STAC: variants seen among roughly 807,000 people sequenced by gnomAD.
The protein encoded by STAC is SH3 and cysteine rich domain.
STAC carries 43 observed loss-of-function variants against 48.8 expected under a neutral mutation model. That is an observed-to-expected ratio of 0.88 (90% CI 0.69 to 1.14). The LOEUF (loss-of-function observed/expected upper bound fraction) is 1.14. Ranked by LOEUF, STAC falls within the 50% of genes most tolerant of loss-of-function variation. STAC has a pLI of 0.00. For missense variants in STAC, 497 were observed against 504.0 expected (o/e 0.99, Z 0.13); for synonymous variants, 193 against 179.5 (o/e 1.07, Z -0.60).
intron 1 of STAC, among the ~76,000 whole-genome samples, chr3:36,420,320 T>A (rs1045659972): frequency 6.6e-6 from 1 of 152,200 alleles, no homozygotes; most frequent in Non-Finnish European, 1.5e-5. Flanking sequence ...TTTCTCCATA[T>A]AAAATGAGCA....
chr3:36,456,414 TA>T (rs981535816), intron 2 of STAC, among the ~76,000 whole-genome samples: 3 of 152,138 alleles, frequency 2.0e-5, no homozygotes, highest in Non-Finnish European at 4.4e-5. Context: ...GACACCTATC[TA>T]ATAGGTGTGT....
intron 1 of STAC, among the ~76,000 whole-genome samples, chr3:36,392,177 C>T (rs1699762822): frequency 1.3e-5 from 2 of 152,198 alleles, no homozygotes; most frequent in Admixed American, 1.3e-4. Context: ...AGTTTCCTCT[C>T]TGAACATATC....
At chr3:36,526,949 G>A (rs894947616) in intron 8 of STAC, among the ~76,000 whole-genome samples, 7 of 152,114 alleles carry the variant, frequency 4.6e-5, no homozygotes, top group East Asian at 1.9e-4. Context: ...AGGAGGAGGC[G>A]GCACCATACT....
At chr3:36,453,242 C>T (rs1814562) in intron 2 of STAC, among the ~76,000 whole-genome samples, 16,066 of 152,306 alleles carry the variant, frequency 0.11, 1,025 homozygotes, top group East Asian at 0.28. Context: ...CCTACTTTGG[C>T]GGCACTTGAG....
intron 1 of STAC, among the ~76,000 whole-genome samples, chr3:36,442,059 G>C (rs1423477026): frequency 6.6e-6 from 1 of 152,052 alleles, no homozygotes; most frequent in African/African-American, 2.4e-5. Flanking sequence ...TCTTCACTCT[G>C]TGTCAGTGGG....
chr3:36,492,020 AAAAAAAAAAAAATATATATAT>A (rs1161008465), intron 5 of STAC, among the ~76,000 whole-genome samples: 12 of 39,306 alleles, frequency 3.1e-4, no homozygotes, highest in East Asian at 8.2e-4. Flanking sequence ...AAAAAAAAAA[AAAAAAAAAAAAATATATATAT>A]ATATATATAT....
At chr3:36,414,776 T>C (rs1700280339) in intron 1 of STAC, among the ~76,000 whole-genome samples, 1 of 152,222 alleles carries the variant, frequency 6.6e-6, no homozygotes, top group Non-Finnish European at 1.5e-5. Flanking sequence ...TTTTCTGTTC[T>C]GTTTTTTCCC....
intron 8 of STAC, among the ~76,000 whole-genome samples, chr3:36,517,124 A>G (rs1263548281): frequency 6.6e-6 from 1 of 152,170 alleles, no homozygotes; most frequent in Non-Finnish European, 1.5e-5. Context: ...CTGTGATGCC[A>G]TCATGCATGG....
chr3:36,380,937 G>A (rs1403887392), intron 1 of STAC, among the ~76,000 whole-genome samples, 183 bp downstream of exon 1: 1 of 152,154 alleles, frequency 6.6e-6, no homozygotes, highest in Admixed American at 6.5e-5. Flanking sequence ...CGTCCCTGTG[G>A]ACCCAGCCTT....
chr3:36,403,203 T>C (rs774274011), intron 1 of STAC, among the ~76,000 whole-genome samples: 1 of 152,164 alleles, frequency 6.6e-6, no homozygotes, highest in African/African-American at 2.4e-5. Flanking sequence ...CAATAAGTAA[T>C]TTAAAAACAA....
Position 36,424,938 on chromosome 3 carries a change from G to T in STAC, c.112-18426G>T, listed in dbSNP as rs139247042. Among the ~76,000 whole-genome samples the T allele has an allele frequency of 2.1e-3, 320 of 152,124 alleles. 2 individuals are homozygous for T. Among genetic ancestry groups the T allele is most frequent in the African/African-American group, 7.3e-3 (301 of 41,480 alleles). ...ATGCAATAGGATTCTAATAAATACA[G>T]AATGACTAATAGAAATAGAACACCA... On this transcript the variant is annotated intron_variant, in intron 1 of 10. Coordinates refer to ENST00000273183, the MANE Select transcript of STAC (RefSeq NM_003149.3).
intron 1 of STAC, among the ~76,000 whole-genome samples, chr3:36,389,914 T>G (rs1699712336): frequency 6.6e-6 from 1 of 152,206 alleles, no homozygotes; most frequent in Non-Finnish European, 1.5e-5. Flanking sequence ...AAATTCAGAT[T>G]ATCATAATAT....
At chr3:36,435,238 C>T (rs940635409) in intron 1 of STAC, among the ~76,000 whole-genome samples, 38 of 152,098 alleles carry the variant, frequency 2.5e-4, no homozygotes, top group Non-Finnish European at 5.9e-5. Context: ...CTGGACATCT[C>T]CTCCCTCCAC....
chr3:36,394,073 C>G (rs551758128), intron 1 of STAC, among the ~76,000 whole-genome samples: 3 of 152,034 alleles, frequency 2.0e-5, no homozygotes, highest in Admixed American at 1.3e-4. Context: ...GTTGAGTAAA[C>G]AACAGGAAAA....
At position 36,432,171 on chromosome 3, in the gene STAC, G is replaced by T. The variant is rs998749773; in HGVS notation, c.112-11193G>T. On this transcript the variant is annotated intron_variant, in intron 1 of 10. Transcript: ENST00000273183. The stretch of plus-strand genomic sequence containing the variant: ...GCCAGACACCTTGCCAGATACTTTA[G>T]ATGCTTTATTTTATTTAATCCTCAC... Among the ~76,000 whole-genome samples the T allele has an allele frequency of 9.2e-5, 14 of 152,272 alleles. No homozygotes were observed. In the East Asian group the frequency reaches 2.1e-3, roughly 23 times the overall value.
chr3:36,540,709 C>G (rs929384096), intron 10 of STAC, among the ~76,000 whole-genome samples: 3 of 151,956 alleles, frequency 2.0e-5, no homozygotes, highest in Non-Finnish European at 4.4e-5. Flanking sequence ...CTAAATGAGC[C>G]TAAAATTAAA....
intron 8 of STAC, among the ~76,000 whole-genome samples, chr3:36,512,783 C>CT (rs901936471): frequency 7.2e-5 from 11 of 152,032 alleles, no homozygotes; most frequent in Admixed American, 7.2e-4. Context: ...ATCACACATA[C>CT]TTTTTTTTAT....
intron 1 of STAC, among the ~76,000 whole-genome samples, chr3:36,417,514 G>A (rs1025781947): frequency 3.3e-5 from 5 of 152,112 alleles, no homozygotes; most frequent in Admixed American, 2.6e-4. Flanking sequence ...AGAGTTCTCA[G>A]AACAATGTAA....
intron 5 of STAC, among the ~76,000 whole-genome samples, chr3:36,489,928 G>C (rs1457616305): frequency 6.6e-6 from 1 of 152,182 alleles, no homozygotes; most frequent in Admixed American, 6.5e-5. Context: ...CTGGAAACTT[G>C]TTAGAAATGC....
Sources: gnomAD v4.1 joint callset for allele counts (sites outside exome capture counted in the v4.1 genomes callset) on GRCh38, gnomAD v4.1.1 for gene constraint, MANE v1.5 for transcripts, NCBI Gene and HGNC (gene_info 2026-07-23, HGNC 2026-07-21) for gene names.